Variants in PCDHA10 observed in about 807,000 individuals in gnomAD.
PCDHA10 encodes the protein protocadherin alpha 10, also known as protocadherin alpha-10.
A neutral mutation model predicts 61.2 loss-of-function variants in PCDHA10; 45 were observed. The ratio of observed to expected loss-of-function variants is 0.74; its 90% confidence interval spans 0.58 to 0.94. The LOEUF (loss-of-function observed/expected upper bound fraction) is 0.94. Among genes scored for constraint, PCDHA10 ranks in the 40% least tolerant of loss-of-function variants. The pLI, the probability that PCDHA10 is intolerant of heterozygous loss-of-function variation, is 0.00. For synonymous variants in PCDHA10, 602 were observed against 548.8 expected (o/e 1.10, Z -1.35); for missense variants, 1,278 against 1,236.2 (o/e 1.03, Z -0.51).
At chr5:140,905,130 G>A (rs2071615464) in intron 1 of PCDHA10, among the ~76,000 whole-genome samples, 1 of 152,178 alleles carries the variant, frequency 6.6e-6, no homozygotes, top group African/African-American at 2.4e-5. Flanking sequence ...GTCTAGAAGA[G>A]TTTTTCTGCT....
At chr5:140,909,926 A>G (rs781804027) in intron 1 of PCDHA10, among the ~76,000 whole-genome samples, 4 of 152,190 alleles carry the variant, frequency 2.6e-5, no homozygotes, top group Admixed American at 2.6e-4. Flanking sequence ...CCTTTCCCCA[A>G]TCACAGTTAC....
chr5:140,873,131 T>C (rs895883185), intron 1 of PCDHA10, among the ~76,000 whole-genome samples: 7 of 152,334 alleles, frequency 4.6e-5, no homozygotes, highest in Admixed American at 3.9e-4. Context: ...TCAAAGAGTC[T>C]ATGCTGAAGC....
chr5:140,941,201 TCC>T lies in PCDHA10; in HGVS notation c.2389-37747_2389-37746del, dbSNP rs1554213890. On this transcript the variant is annotated intron_variant, in intron 1 of 3. Coordinates refer to ENST00000307360, the MANE Select transcript of PCDHA10 (RefSeq NM_018901.4). The stretch of plus-strand genomic sequence containing the variant: ...ATCCTGCTTCTTTTTTTTTCTTTCT[TCC>T]TTTCTTTCTTCCTTTCTTTCTTTCT... 4.9e-3 allele frequency among the ~76,000 whole-genome samples: 512 copies of T among 103,578 alleles called. 4 individuals are homozygous for T. The highest frequency in any genetic ancestry group is 7.0e-3 in the African/African-American group (178 of 25,432). 68.0% of individuals were successfully genotyped at this position (103,578 alleles called of 152,430 possible). A position where few individuals can be genotyped will look rare whatever the true frequency, so the allele number is the denominator to read the frequency against.
chr5:140,881,300 T>C, intron 1 of PCDHA10: 3 of 957,608 alleles, frequency 3.1e-6, no homozygotes, highest in Non-Finnish European at 3.7e-6. Flanking sequence ...ATGGAAACTT[T>C]AACCTCCTGG....
intron 3 of PCDHA10, among the ~76,000 whole-genome samples, chr5:140,995,853 A>G (rs934469128): frequency 4.6e-5 from 7 of 152,220 alleles, no homozygotes. Context: ...TTTCTATCGT[A>G]TCACTTAATA....
At chr5:140,925,955 G>A (rs1350124934) in intron 1 of PCDHA10, among the ~76,000 whole-genome samples, 1 of 152,076 alleles carries the variant, frequency 6.6e-6, no homozygotes, top group Non-Finnish European at 1.5e-5. Context: ...AGGAGAAACT[G>A]CTATCACGCA....
At chr5:140,891,432 C>T (rs183679) in intron 1 of PCDHA10, among the ~76,000 whole-genome samples, 69,006 of 149,136 alleles carry the variant, frequency 0.46, 16,159 homozygotes, top group South Asian at 0.58. Context: ...AAGTCCCCAA[C>T]GTCCATTGTA....
chr5:140,897,636 C>A (rs2066236074), intron 1 of PCDHA10, among the ~76,000 whole-genome samples: 1 of 152,038 alleles, frequency 6.6e-6, no homozygotes, highest in African/African-American at 2.4e-5. Context: ...GTGTATAGTG[C>A]CACAATAAAC....
At chr5:140,982,253 A>T (rs1209317234) in intron 2 of PCDHA10, 1 of 777,640 alleles carries the variant, frequency 1.3e-6, no homozygotes, top group African/African-American at 1.8e-5. Flanking sequence ...AAGATAGAAC[A>T]TGTGTGTTCC....
chr5:140,909,856 C>T (rs575107041), intron 1 of PCDHA10, among the ~76,000 whole-genome samples: 2 of 152,286 alleles, frequency 1.3e-5, no homozygotes, highest in South Asian at 2.1e-4. Context: ...TTTTCGGTCC[C>T]CTGGAGTCAA....
intron 3 of PCDHA10, among the ~76,000 whole-genome samples, chr5:140,994,668 G>A (rs2097644296): frequency 6.6e-6 from 1 of 152,118 alleles, no homozygotes; most frequent in Admixed American, 6.5e-5. Context: ...TCACACTACT[G>A]CACTCCAGCC....
rs569728778 is a variant in PCDHA10 at position 140,900,297 on chromosome 5, T to G, written c.2388+41861T>G. 1.4e-4 allele frequency among the ~76,000 whole-genome samples: 22 copies of G among 151,920 alleles called. No individual in the cohort carries two copies. In the East Asian group the frequency reaches 4.1e-3, roughly 28 times the overall value. On this transcript the variant is annotated intron_variant, in intron 1 of 3. Transcript: ENST00000307360. Reference sequence around the variant, plus strand: ...TACCACACTTTCTTTTCTGTTTTTTTAGACAGTCTCACTTTTGTCGCCCAG... The same window carrying G: ...TACCACACTTTCTTTTCTGTTTTTTGAGACAGTCTCACTTTTGTCGCCCAG...
At chr5:140,987,451 T>G (rs1481665271) in intron 3 of PCDHA10, among the ~76,000 whole-genome samples, 2 of 152,108 alleles carry the variant, frequency 1.3e-5, no homozygotes, top group African/African-American at 4.8e-5. Flanking sequence ...GCCCGAGAGA[T>G]AATTGTTAAG....
At chr5:140,884,758 C>T in intron 1 of PCDHA10, 2 of 1,424,736 alleles carry the variant, frequency 1.4e-6, no homozygotes, top group Middle Eastern at 4.1e-4. Flanking sequence ...TCAAATTATT[C>T]TTTACTTTAA....
chr5:140,926,812 G>T (rs908940607), intron 1 of PCDHA10: 28 of 1,458,972 alleles, frequency 1.9e-5, no homozygotes, highest in African/African-American at 2.8e-5. Flanking sequence ...CCCGCGGCTC[G>T]TGCTCTCCAG....
intron 1 of PCDHA10, among the ~76,000 whole-genome samples, chr5:140,919,229 C>T (rs1163633473): frequency 1.1e-4 from 17 of 152,144 alleles, no homozygotes; most frequent in African/African-American, 3.9e-4. Flanking sequence ...TTTCTAGTAA[C>T]ACTTTTTGTC....
intron 1 of PCDHA10, among the ~76,000 whole-genome samples, chr5:140,888,358 C>T (rs2061801167): frequency 6.6e-6 from 1 of 152,178 alleles, no homozygotes; most frequent in Non-Finnish European, 1.5e-5. Flanking sequence ...TTGCTACTGG[C>T]ATCTAATAAT....
At position 141,003,207 on chromosome 5, in the gene PCDHA10, T is replaced by C. The variant is rs141066841; in HGVS notation, c.2537-6420T>C. On this transcript the variant is annotated intron_variant, in intron 3 of 3. Coordinates refer to ENST00000307360, the MANE Select transcript of PCDHA10 (RefSeq NM_018901.4). Reference sequence around the variant, plus strand: ...CATCAACTCAGGCAGCCAGGGTTAGTTTAGCATGAAAGAGGAAAGCTGGAA... The same window carrying C: ...CATCAACTCAGGCAGCCAGGGTTAGCTTAGCATGAAAGAGGAAAGCTGGAA... Among the ~76,000 whole-genome samples the C allele has an allele frequency of 6.3e-3, 959 of 152,338 alleles. 16 individuals carry two copies. The highest frequency in any genetic ancestry group is 0.021 in the African/African-American group (892 of 41,582).
rs190030565 is a variant in PCDHA10, at chr5:140,999,153, C to T, written c.2537-10474C>T. Among the ~76,000 whole-genome samples, 42 of 152,242 alleles carry T rather than the reference C, an allele frequency of 2.8e-4. 1 individual carries two copies. In the East Asian group the frequency reaches 5.2e-3, roughly 19 times the overall value. Reference sequence around the variant, plus strand: ...AATGTCACAGCCGGAAGTCTTCAGTCCCCTAGAAGGAAAAGAGCCTGATGG... The same window carrying T: ...AATGTCACAGCCGGAAGTCTTCAGTTCCCTAGAAGGAAAAGAGCCTGATGG... On this transcript the variant is annotated intron_variant, in intron 3 of 3. Coordinates refer to ENST00000307360, the MANE Select transcript of PCDHA10 (RefSeq NM_018901.4).
Sources: allele counts gnomAD v4.1 joint callset (sites outside exome capture counted in the v4.1 genomes callset), GRCh38; gene constraint gnomAD v4.1.1; transcripts MANE v1.5; gene names NCBI Gene and HGNC (gene_info 2026-07-23, HGNC 2026-07-21).